C14orf132: variants seen among roughly 807,000 people sequenced by gnomAD.
C14orf132 encodes uncharacterized protein C14orf132.
Under a neutral mutation model 5.8 loss-of-function variants are expected in C14orf132, and 6 were observed. The observed-to-expected ratio is 1.03, with a 90% CI of 0.57 to 2.04. The LOEUF is 2.04. Among genes scored for constraint, C14orf132 ranks in the 30% most tolerant of loss-of-function variants. The pLI, the probability that C14orf132 is intolerant of heterozygous loss-of-function variation, is 0.00. For missense variants in C14orf132, 125 were observed against 115.8 expected (o/e 1.08, Z -0.37); for synonymous variants, 51 against 49.8 (o/e 1.02, Z -0.10).
rs1354251034 is a variant in C14orf132 at position 96,088,417 on chromosome 14, C to T, written c.*1682C>T. 1 of 152,216 alleles carries T rather than the reference C, an allele frequency of 6.6e-6. No individual in the cohort carries two copies. The allele number at this position is 152,216 out of a possible 1,614,324, so 9.4% of individuals were successfully genotyped here. ...GTCACGAGTGCAAAAGAACCTGACC[C>T]TTGACAATGAGGGAGAAGGGACATG... On this transcript the variant is annotated 3_prime_UTR_variant, in exon 2 of 2. Coordinates refer to ENST00000555004, the MANE Select transcript of C14orf132 (RefSeq NM_001252507.3).
intron 1 of C14orf132, among the ~76,000 whole-genome samples, chr14:96,041,333 A>G (rs1025806136): frequency 1.3e-5 from 2 of 152,186 alleles, no homozygotes; most frequent in African/African-American, 4.8e-5. Context: ...TCAGGACACT[A>G]AACGAGATTA....
At chr14:96,045,444 G>A (rs925792894) in intron 1 of C14orf132, among the ~76,000 whole-genome samples, 2 of 152,188 alleles carry the variant, frequency 1.3e-5, no homozygotes, top group Non-Finnish European at 2.9e-5. Flanking sequence ...GAGGGGTCAG[G>A]TGGTGAGGGG....
At chr14:96,048,712 G>T (rs761314566) in intron 1 of C14orf132, among the ~76,000 whole-genome samples, 2 of 151,952 alleles carry the variant, frequency 1.3e-5, no homozygotes, top group Non-Finnish European at 2.9e-5. Flanking sequence ...TTTTAGTGGA[G>T]ATGGGGTTTT....
intron 1 of C14orf132, among the ~76,000 whole-genome samples, chr14:96,058,504 A>G (rs1380098706): frequency 6.6e-6 from 1 of 152,116 alleles, no homozygotes; most frequent in African/African-American, 2.4e-5. Flanking sequence ...GAAAGACTCC[A>G]ATCCTTCACC....
At chr14:96,078,900 C>A (rs79049496) in intron 1 of C14orf132, among the ~76,000 whole-genome samples, 1 of 152,178 alleles carries the variant, frequency 6.6e-6, no homozygotes, top group African/African-American at 2.4e-5. Context: ...GTGCTTTCCA[C>A]CCTTTGCTGA....
intron 1 of C14orf132, among the ~76,000 whole-genome samples, chr14:96,073,927 T>A (rs142473828): frequency 6.6e-6 from 1 of 152,146 alleles, no homozygotes; most frequent in African/African-American, 2.4e-5. Context: ...CTCAGCAAAC[T>A]AACACAGAAA....
At chr14:96,071,253 AACTC>A (rs1273188936) in intron 1 of C14orf132, among the ~76,000 whole-genome samples, 1 of 152,076 alleles carries the variant, frequency 6.6e-6, no homozygotes, top group Non-Finnish European at 1.5e-5. Context: ...ATTGTGTGAG[AACTC>A]ACTCACTATC....
chr14:96,058,188 C>T (rs757682838), intron 1 of C14orf132, among the ~76,000 whole-genome samples: 12 of 152,148 alleles, frequency 7.9e-5, no homozygotes, highest in Admixed American at 2.0e-4. Context: ...CCTCCCTGCC[C>T]GCACTTCGTG....
At chr14:96,079,963 G>T (rs894966753) in intron 1 of C14orf132, among the ~76,000 whole-genome samples, 20 of 152,202 alleles carry the variant, frequency 1.3e-4, no homozygotes, top group African/African-American at 4.1e-4. Flanking sequence ...ATAAGTATAG[G>T]CTGTGTGATA....
chr14:96,075,643 G>A (rs915357701), intron 1 of C14orf132, among the ~76,000 whole-genome samples: 15 of 152,148 alleles, frequency 9.9e-5, no homozygotes, highest in African/African-American at 3.6e-4. Flanking sequence ...ATGAGTGGAT[G>A]TTTACTTTTG....
chr14:96,082,125 A>G (rs759429556), intron 1 of C14orf132, among the ~76,000 whole-genome samples: 16 of 152,088 alleles, frequency 1.1e-4, no homozygotes, highest in Non-Finnish European at 2.1e-4. Flanking sequence ...CACGCCCCCA[A>G]ATCTGCTCTG....
chr14:96,060,724 C>T (rs1887326978), intron 1 of C14orf132, among the ~76,000 whole-genome samples: 1 of 152,188 alleles, frequency 6.6e-6, no homozygotes, highest in Admixed American at 6.5e-5. Flanking sequence ...CCAGAGGCCT[C>T]TTCTCTCCCA....
intron 1 of C14orf132, among the ~76,000 whole-genome samples, chr14:96,085,325 C>T (rs1673193019): frequency 6.6e-6 from 1 of 152,206 alleles, no homozygotes; most frequent in Non-Finnish European, 1.5e-5. Context: ...TCAAAAGAAA[C>T]ATTGATTATG....
At position 96,086,832 on chromosome 14, in the gene C14orf132, T is replaced by A; in HGVS notation, c.*97T>A. 1 of 1,236,436 alleles carries A rather than the reference T, an allele frequency of 8.1e-7. No individual in the cohort carries two copies. The highest frequency in any genetic ancestry group is 1.1e-6 in the Non-Finnish European group (1 of 900,248). 76.6% of individuals were successfully genotyped at this position (1,236,436 alleles called of 1,614,324 possible). On this transcript the variant is annotated 3_prime_UTR_variant, in exon 2 of 2. Coordinates refer to ENST00000555004, the MANE Select transcript of C14orf132 (RefSeq NM_001252507.3). Reference sequence around the variant, plus strand: ...TCTCCTGTGTTCTAGAACCAGGAGTTTTGACCAGGGGCGGCGGCCGTCCTT... The same window carrying A: ...TCTCCTGTGTTCTAGAACCAGGAGTATTGACCAGGGGCGGCGGCCGTCCTT...
At chr14:96,072,156 C>T (rs908794419) in intron 1 of C14orf132, among the ~76,000 whole-genome samples, 3 of 152,260 alleles carry the variant, frequency 2.0e-5, no homozygotes, top group Non-Finnish European at 4.4e-5. Flanking sequence ...TCCTTCCGAG[C>T]ACTTCCTCAG....
chr14:96,055,607 T>A (rs1887159153), intron 1 of C14orf132, among the ~76,000 whole-genome samples: 1 of 152,122 alleles, frequency 6.6e-6, no homozygotes, highest in Non-Finnish European at 1.5e-5. Context: ...TTGGGCAAAC[T>A]CCTGAACCTC....
At position 96,049,606 on chromosome 14, in the gene C14orf132, A is replaced by ATG. The variant is rs1566823838; in HGVS notation, c.27+10080_27+10081insGT. 2.9e-3 allele frequency among the ~76,000 whole-genome samples: 346 copies of ATG among 119,032 alleles called. 22 individuals are homozygous for ATG. Among genetic ancestry groups the ATG allele is most frequent in the Admixed American group, 4.5e-3 (48 of 10,624 alleles). The allele number at this position is 119,032 out of a possible 152,430, so 78.1% of individuals were successfully genotyped here. ...TATATATATACATATATACGTATAT[A>ATG]TATACATATATACGTATATATATAC... On this transcript the variant is annotated intron_variant, in intron 1 of 1. Transcript: ENST00000555004.
At position 96,093,924 on chromosome 14, in the gene C14orf132, C is replaced by T. The variant is rs1387595595; in HGVS notation, c.*7189C>T. The stretch of plus-strand genomic sequence containing the variant: ...GTCTGGTTCTCATCTGTGCTTTATG[C>T]AAAGGAGATGATCTACTCAGCTTTA... On this transcript the variant is annotated 3_prime_UTR_variant, in exon 2 of 2. Transcript: ENST00000555004. The T allele has an allele frequency of 6.6e-6, 1 of 152,158 alleles. No individual in the cohort carries two copies. The highest frequency in any genetic ancestry group is 1.9e-4 in the East Asian group (1 of 5,192). The allele number at this position is 152,158 out of a possible 1,614,324, so 9.4% of individuals were successfully genotyped here. A position where few individuals can be genotyped will look rare whatever the true frequency, so the allele number is the denominator to read the frequency against.
chr14:96,084,041 C>T (rs1888107889), intron 1 of C14orf132, among the ~76,000 whole-genome samples: 1 of 152,234 alleles, frequency 6.6e-6, no homozygotes, highest in Non-Finnish European at 1.5e-5. Flanking sequence ...TCCTCTTTCC[C>T]CAGTGATTTG....
Sources: allele counts gnomAD v4.1 joint callset (sites outside exome capture counted in the v4.1 genomes callset), GRCh38; gene constraint gnomAD v4.1.1; transcripts MANE v1.5; gene names NCBI Gene and HGNC (gene_info 2026-07-23, HGNC 2026-07-21).